Variants in PCDH15 observed in about 807,000 individuals in gnomAD.
The protein encoded by PCDH15 is protocadherin related 15.
In PCDH15, 129 loss-of-function variants were observed where a neutral mutation model predicts 178.5. That is an observed-to-expected ratio of 0.72 (90% CI 0.63 to 0.84). PCDH15 has a LOEUF of 0.84. Ranked by LOEUF, PCDH15 falls within the 40% of genes least tolerant of loss-of-function variation. The pLI, the probability that PCDH15 is intolerant of heterozygous loss-of-function variation, is 0.00. For missense variants in PCDH15, 2,230 were observed against 2,099.9 expected (o/e 1.06, Z -1.21); for synonymous variants, 800 against 732.0 (o/e 1.09, Z -1.50).
intron 1 of PCDH15, among the ~76,000 whole-genome samples, chr10:55,222,710 T>TACACACAC (rs374141989): frequency 0.014 from 582 of 42,088 alleles, 29 homozygotes; most frequent in African/African-American, 0.043. Context: ...TATATCTTTA[T>TACACACAC]ACACACACAC....
At chr10:55,394,266 C>T (rs572660650) in intron 2 of PCDH15, among the ~76,000 whole-genome samples, 3 of 151,882 alleles carry the variant, frequency 2.0e-5, no homozygotes, top group African/African-American at 7.2e-5. Context: ...CCACTTTGGT[C>T]TCACTTTCTT....
At chr10:54,550,314 T>C (rs1204612136) in intron 2 of PCDH15, among the ~76,000 whole-genome samples, 1 of 152,168 alleles carries the variant, frequency 6.6e-6, no homozygotes, top group African/African-American at 2.4e-5. Context: ...ATGCAACCTC[T>C]CTCTCGCTAG....
intron 2 of PCDH15, among the ~76,000 whole-genome samples, chr10:55,497,021 A>T (rs16907468): frequency 0.31 from 47,133 of 151,694 alleles, 7,498 homozygotes; most frequent in African/African-American, 0.37. Flanking sequence ...GACAATTTTT[A>T]ATGGGAAAGT....
intron 2 of PCDH15, among the ~76,000 whole-genome samples, chr10:54,625,534 G>A (rs1054314448): frequency 6.6e-6 from 1 of 152,102 alleles, no homozygotes; most frequent in South Asian, 2.1e-4. Context: ...GAGATCTGAT[G>A]GTTTTAAAAA....
At chr10:54,192,178 AAGAG>A (rs201544426) in intron 11 of PCDH15, among the ~76,000 whole-genome samples, 1 of 139,972 alleles carries the variant, frequency 7.1e-6, no homozygotes, top group Admixed American at 7.0e-5. Context: ...AAGAAAAAGA[AAGAG>A]AAAGAAAGAA....
intron 23 of PCDH15, among the ~76,000 whole-genome samples, chr10:53,943,076 T>C (rs2086209613): frequency 6.6e-6 from 1 of 152,204 alleles, no homozygotes; most frequent in Non-Finnish European, 1.5e-5. Flanking sequence ...TCTATCTTGT[T>C]ACTGCACAAG....
intron 1 of PCDH15, among the ~76,000 whole-genome samples, chr10:55,203,390 A>G (rs918394348): frequency 2.0e-5 from 3 of 152,026 alleles, no homozygotes; most frequent in Non-Finnish European, 4.4e-5. Flanking sequence ...ATATATATTT[A>G]ATCCTCACAA....
chr10:55,325,412 C>T (rs1844004173), intron 2 of PCDH15, among the ~76,000 whole-genome samples: 1 of 152,022 alleles, frequency 6.6e-6, no homozygotes, highest in South Asian at 2.1e-4. Context: ...AGAAATAATG[C>T]TGAACCCCCA....
intron 3 of PCDH15, among the ~76,000 whole-genome samples, chr10:54,427,889 A>G (rs1403127611): frequency 6.6e-6 from 1 of 152,196 alleles, no homozygotes; most frequent in Non-Finnish European, 1.5e-5. Context: ...ATTGCTCAGT[A>G]TTACTCTGTA....
intron 2 of PCDH15, among the ~76,000 whole-genome samples, chr10:55,429,528 G>A (rs991106024): frequency 3.3e-5 from 5 of 151,824 alleles, no homozygotes; most frequent in African/African-American, 1.2e-4. Flanking sequence ...TCTTTACACT[G>A]GTTTTGAGGA....
intron 3 of PCDH15, among the ~76,000 whole-genome samples, chr10:54,380,705 CATATATATAT>C (rs58171476): frequency 2.0e-5 from 1 of 49,006 alleles, no homozygotes; most frequent in Non-Finnish European, 3.5e-5. Flanking sequence ...ATATATGCTC[CATATATATAT>C]ATATATATAT....
chr10:55,424,113 G>C (rs1838691084), intron 2 of PCDH15, among the ~76,000 whole-genome samples: 1 of 152,084 alleles, frequency 6.6e-6, no homozygotes, highest in African/African-American at 2.4e-5. Flanking sequence ...AACTCCACAA[G>C]AAAATGTATG....
chr10:54,776,765 T>G (rs963343945), intron 1 of PCDH15, among the ~76,000 whole-genome samples: 1 of 152,104 alleles, frequency 6.6e-6, no homozygotes, highest in African/African-American at 2.4e-5. Context: ...GTTTGTTAGG[T>G]TTTATTGTTG....
intron 2 of PCDH15, among the ~76,000 whole-genome samples, chr10:55,417,476 A>G (rs1436776899): frequency 2.0e-5 from 3 of 151,750 alleles, no homozygotes; most frequent in Non-Finnish European, 4.4e-5. Flanking sequence ...CCTTTTACAG[A>G]GGTATTTGCT....
chr10:55,103,466 T>C (rs1377939477), intron 2 of PCDH15, among the ~76,000 whole-genome samples: 1 of 152,194 alleles, frequency 6.6e-6, no homozygotes, highest in Non-Finnish European at 1.5e-5. Context: ...TGATGTTTTT[T>C]GTTATATCCA....
chr10:55,193,944 C>T (rs554354747), intron 1 of PCDH15, among the ~76,000 whole-genome samples: 38 of 152,066 alleles, frequency 2.5e-4, no homozygotes, highest in Admixed American at 7.2e-4. Context: ...GATGCTAAAA[C>T]ATAATTTACT....
chr10:54,595,488 CA>C (rs1297450350), intron 2 of PCDH15, among the ~76,000 whole-genome samples: 1 of 152,180 alleles, frequency 6.6e-6, no homozygotes, highest in Non-Finnish European at 1.5e-5. Context: ...CACCAGCCCA[CA>C]AAGATGAGAA....
At chr10:55,071,187 C>G (rs1841735753) in intron 2 of PCDH15, among the ~76,000 whole-genome samples, 1 of 152,130 alleles carries the variant, frequency 6.6e-6, no homozygotes, top group Non-Finnish European at 1.5e-5. Flanking sequence ...GAAACTGAAT[C>G]AACTAATGAG....
intron 2 of PCDH15, among the ~76,000 whole-genome samples, chr10:55,067,147 T>C (rs1392180438): frequency 2.0e-5 from 3 of 151,990 alleles, no homozygotes; most frequent in East Asian, 1.9e-4. Flanking sequence ...AAGGTATAAT[T>C]ATAGTTACTC....
Sources: gnomAD v4.1 joint callset for allele counts (sites outside exome capture counted in the v4.1 genomes callset) on GRCh38, gnomAD v4.1.1 for gene constraint, MANE v1.5 for transcripts, NCBI Gene and HGNC (gene_info 2026-07-23, HGNC 2026-07-21) for gene names.